Variants in ABCA13 observed in about 807,000 individuals in gnomAD.
ABCA13 encodes the protein ATP binding cassette subfamily A member 13.
In ABCA13, 476 loss-of-function variants were observed where a neutral mutation model predicts 478.7. That is an observed-to-expected ratio of 0.99 (90% CI 0.92 to 1.07). ABCA13 has a LOEUF of 1.07. ABCA13 is among the 50% of genes least tolerant of loss of function. The pLI, the probability that ABCA13 is intolerant of heterozygous loss-of-function variation, is 0.00. For missense variants in ABCA13, 6,060 were observed against 5,910.6 expected (o/e 1.03, Z -0.83); for synonymous variants, 2,252 against 2,158.9 (o/e 1.04, Z -1.20).
At chr7:48,392,164 T>C (rs1344518984) in intron 38 of ABCA13, 25 bp downstream of exon 38, 1 of 1,601,050 alleles carries the variant, frequency 6.2e-7, no homozygotes, top group Non-Finnish European at 8.6e-7. Flanking sequence ...GTCTCTCTGC[T>C]CCTCCTGCCT....
intron 2 of ABCA13, among the ~76,000 whole-genome samples, chr7:48,194,511 G>A (rs1797669395): frequency 6.6e-6 from 1 of 152,074 alleles, no homozygotes; most frequent in African/African-American, 2.4e-5. Context: ...TGTGCTTCAG[G>A]AAAATGGTCA....
At chr7:48,324,524 A>T (rs923136270) in intron 27 of ABCA13, among the ~76,000 whole-genome samples, 2 of 152,224 alleles carry the variant, frequency 1.3e-5, no homozygotes, top group East Asian at 1.9e-4. Context: ...CCACTTGTAA[A>T]TGGAAATAAT....
intron 37 of ABCA13, among the ~76,000 whole-genome samples, chr7:48,391,208 A>G (rs2129055301): frequency 6.6e-6 from 1 of 152,234 alleles, no homozygotes; most frequent in South Asian, 2.1e-4. Context: ...CTAGCTTTGT[A>G]TCTCTGTTTT....
chr7:48,612,941 A>G (rs1792171995), intron 58 of ABCA13, among the ~76,000 whole-genome samples: 1 of 152,088 alleles, frequency 6.6e-6, no homozygotes, highest in Non-Finnish European at 1.5e-5. Context: ...TTTTCTCTAC[A>G]ATACACAAAA....
intron 21 of ABCA13, among the ~76,000 whole-genome samples, chr7:48,296,612 A>G (rs1222587338): frequency 6.6e-6 from 1 of 151,814 alleles, no homozygotes; most frequent in African/African-American, 2.4e-5. Context: ...GGCACCCGCC[A>G]CCATGCCCGG....
chr7:48,589,550 A>AT (rs1004218740), intron 57 of ABCA13, among the ~76,000 whole-genome samples: 3 of 152,132 alleles, frequency 2.0e-5, no homozygotes, highest in Admixed American at 1.3e-4. Context: ...CATAATTGCC[A>AT]TTTTTTCCCC....
chr7:48,455,816 C>T (rs1024336086), intron 43 of ABCA13, among the ~76,000 whole-genome samples: 1 of 152,200 alleles, frequency 6.6e-6, no homozygotes, highest in Non-Finnish European at 1.5e-5. Context: ...GATCTGTTGC[C>T]GGTGCGTTCA....
chr7:48,299,279 C>T (rs1358679552), intron 23 of ABCA13, among the ~76,000 whole-genome samples: 2 of 152,138 alleles, frequency 1.3e-5, no homozygotes, highest in African/African-American at 4.8e-5. Context: ...CCCCAACACA[C>T]GTTTAATATC....
intron 8 of ABCA13, among the ~76,000 whole-genome samples, chr7:48,236,385 C>T (rs566918231): frequency 1.3e-5 from 2 of 152,228 alleles, no homozygotes; most frequent in East Asian, 3.9e-4. Context: ...GAAATTTATA[C>T]TCTATTTTTA....
At chr7:48,330,065 CCATCCATCCATT>C (rs1288626191) in intron 27 of ABCA13, among the ~76,000 whole-genome samples, 16 of 147,198 alleles carry the variant, frequency 1.1e-4, no homozygotes, top group African/African-American at 2.9e-4. Flanking sequence ...ATCCATCCAT[CCATCCATCCATT>C]CATCCATCCA....
chr7:48,179,214 C>A (rs1288764881), intron 1 of ABCA13, among the ~76,000 whole-genome samples: 1 of 152,030 alleles, frequency 6.6e-6, no homozygotes, highest in Non-Finnish European at 1.5e-5. Flanking sequence ...TGTGAGAGAC[C>A]AGAGGCAAAG....
In ABCA13 at chr7:48,506,379, C is replaced by T. The variant is rs746139643; in HGVS notation, c.13335C>T (p.Asn4445=). The T allele has an allele frequency of 7.0e-5, 113 of 1,613,598 alleles. No individual in the cohort carries two copies. The highest frequency in any genetic ancestry group is 3.3e-4 in the Admixed American group (20 of 60,002). The stretch of plus-strand genomic sequence containing the variant: ...ACCCATATGGAGGGGCCTTGCTGAA[C>T]GAGGACAAGATGTGAGTTGATGGAA... ...YSHPYGGALL[N]EDKILESIRQ... is the part of the protein sequence containing the mutation. Residue 4445 remains asparagine (N), a synonymous_variant, in exon 49 of 62, where the codon AAC becomes AAT. Transcript: ENST00000435803.
chr7:48,535,429 A>G (rs1016312166), intron 55 of ABCA13, among the ~76,000 whole-genome samples: 3 of 151,826 alleles, frequency 2.0e-5, no homozygotes, highest in African/African-American at 7.3e-5. Context: ...AATGAAGTGG[A>G]CTCTGAGGTT....
intron 41 of ABCA13, among the ~76,000 whole-genome samples, chr7:48,425,809 C>T (rs917461608): frequency 6.6e-6 from 1 of 152,036 alleles, no homozygotes; most frequent in Non-Finnish European, 1.5e-5. Context: ...GGCGCAATCT[C>T]GGCTCACTGC....
chr7:48,216,205 CCAT>C (rs1386379179), intron 3 of ABCA13, among the ~76,000 whole-genome samples: 1 of 152,162 alleles, frequency 6.6e-6, no homozygotes, highest in African/African-American at 2.4e-5. Flanking sequence ...TTTTGCTCTC[CCAT>C]CATCAGTGGT....
At position 48,273,336 on chromosome 7, in the gene ABCA13, A is replaced by C. The variant is rs997906720; in HGVS notation, c.3670A>C (p.Asn1224His). ...TGTAACTCAAGCCAATGACTTCCATAATTGGGAGGACTTCCTGGATCTCAG... is the reference window on the plus strand; with the variant it reads ...TGTAACTCAAGCCAATGACTTCCATCATTGGGAGGACTTCCTGGATCTCAG... ...KNVTQANDFH[N>H]WEDFLDLRDF... Residue 1224 changes from asparagine (N) to histidine (H), a missense_variant, in exon 17 of 62, where the codon AAT (asparagine) becomes CAT (histidine). Coordinates refer to ENST00000435803, the MANE Select transcript of ABCA13 (RefSeq NM_152701.5). 1.2e-6 allele frequency: 2 copies of C among 1,613,570 alleles called. No individual in the cohort carries two copies. Among genetic ancestry groups the C allele is most frequent in the Non-Finnish European group, 8.5e-7 (1 of 1,179,764 alleles).
chr7:48,432,936 T>C (rs1822341188), intron 42 of ABCA13, among the ~76,000 whole-genome samples: 1 of 152,062 alleles, frequency 6.6e-6, no homozygotes, highest in South Asian at 2.1e-4. Flanking sequence ...TTTTGTATTG[T>C]TGAAAATCTC....
intron 42 of ABCA13, among the ~76,000 whole-genome samples, chr7:48,433,500 T>G (rs1362535162): frequency 6.7e-6 from 1 of 149,804 alleles, no homozygotes; most frequent in Non-Finnish European, 1.5e-5. Context: ...TTATATATGA[T>G]ATATATTTTT....
chr7:48,605,427 G>T (rs1184904437), intron 58 of ABCA13, among the ~76,000 whole-genome samples: 1 of 152,134 alleles, frequency 6.6e-6, no homozygotes, highest in Non-Finnish European at 1.5e-5. Context: ...AGCCCTGGTG[G>T]TGACAAAATC....
Sources: gnomAD v4.1 joint callset for allele counts (sites outside exome capture counted in the v4.1 genomes callset) on GRCh38, gnomAD v4.1.1 for gene constraint, MANE v1.5 for transcripts, NCBI Gene and HGNC (gene_info 2026-07-23, HGNC 2026-07-21) for gene names.